Variants in MAN2C1 observed in about 807,000 individuals in gnomAD.
MAN2C1 encodes the protein alpha-mannosidase 2C1.
MAN2C1 carries 111 observed loss-of-function variants against 126.9 expected under a neutral mutation model. The ratio of observed to expected loss-of-function variants is 0.87; its 90% CI spans 0.75 to 1.02. The LOEUF (loss-of-function observed/expected upper bound fraction) is 1.02, where lower values mean the gene tolerates loss of function less well. Among genes scored for constraint, MAN2C1 ranks in the 50% least tolerant of loss-of-function variants. The pLI, the probability that MAN2C1 is intolerant of heterozygous loss-of-function variation, is 0.00. For missense variants in MAN2C1, 1,363 were observed against 1,364.4 expected (o/e 1.00, Z 0.02); for synonymous variants, 567 against 561.5 (o/e 1.01, Z -0.14).
chr15:75,363,865 G>GT, intron 6 of MAN2C1, 134 bp downstream of exon 6: 1 of 976,520 alleles, frequency 1.0e-6, no homozygotes, highest in Non-Finnish European at 1.5e-6. Context: ...CCCCGGCCCC[G>GT]TTTTACAGAC....
chr15:75,358,880 G>T, intron 18 of MAN2C1, 72 bp from the exon 19 acceptor site: 1 of 1,409,982 alleles, frequency 7.1e-7, no homozygotes, highest in South Asian at 1.2e-5. Context: ...GGTGGGGTAG[G>T]GTGGAGTGAG....
chr15:75,364,035 T>C lies in MAN2C1; in HGVS notation c.754A>G (p.Thr252Ala). The C allele has an allele frequency of 6.2e-7, 1 of 1,614,146 alleles. No individual in the cohort carries two copies. The highest frequency in any genetic ancestry group is 8.5e-7 in the Non-Finnish European group (1 of 1,180,032). ...FGQHGGESQH[T>A]IHATGHCHID... ...TGGCAGTGCCCTGTGGCATGAATGG[T>C]GTGTTGGCTTTCACCCCCATGTTGG... The change falls in exon 6 of 26, where the codon ACC becomes GCC. Residue 252 changes from threonine (T) to alanine (A), a missense_variant. This residue lies in a region of MAN2C1 where 628 missense variants were observed against 609.8 expected (regional missense o/e 1.03). Transcript: ENST00000267978.
Position 75,362,350 on chromosome 15 carries a change from A to C in MAN2C1, c.1001T>G (p.Val334Gly). 1 of 1,613,462 alleles carries C rather than the reference A, an allele frequency of 6.2e-7. No individual in the cohort carries two copies. The highest frequency in any genetic ancestry group is 8.5e-7 in the Non-Finnish European group (1 of 1,179,742). Residue 334 changes from valine to glycine, a missense_variant, in exon 8 of 26, where the codon GTG (valine) becomes GGG (glycine). Val to Gly is a moderately radical substitution (Grantham distance 109, BLOSUM62 -3). Coordinates refer to ENST00000267978, the MANE Select transcript of MAN2C1 (RefSeq NM_006715.4). This position sits in a 1 kb window ranked among gnomAD's most constrained non-coding sequence, Gnocchi z 4.5. ...GQFVPVGGTWVEMDGNLPSGE... is the reference protein window; with the variant it reads ...GQFVPVGGTWGEMDGNLPSGE... ...AGTGCCCAGTGCACTTACCATCTCC[A>C]CCCAGGTGCCCCCCACAGGCACAAA...
Position 75,360,227 on chromosome 15 carries a change from G to T in MAN2C1, c.1585-16C>A. 1 of 1,605,442 alleles carries T rather than the reference G, an allele frequency of 6.2e-7. No homozygotes were observed. Among genetic ancestry groups the T allele is most frequent in the Admixed American group, 1.7e-5 (1 of 60,010 alleles). On this transcript the variant is annotated splice_polypyrimidine_tract_variant and intron_variant, in intron 13 of 25. Transcript: ENST00000267978. ...CCTTCTTGATCTGAGCCCAGGATGG[G>T]AAGATTAGTCTGGAGCCTGCTTAGC...
In MAN2C1 at chr15:75,356,321, C is replaced by CTT. The variant is rs2072296571; in HGVS notation, c.2865_2866insAA (p.Val956LysfsTer20). The CTT allele has an allele frequency of 1.9e-6, 3 of 1,612,208 alleles. No homozygotes were observed. Among genetic ancestry groups the CTT allele is most frequent in the Non-Finnish European group, 2.5e-6 (3 of 1,179,362 alleles). ...CTTGCCTGCTTGACGGTCTCCAATA[C>CTT]GACCGCGGGTGAAGACACGGAAAAC... On this transcript the variant is annotated frameshift_variant, in exon 24 of 26. Transcript: ENST00000267978. LOFTEE classifies it high-confidence loss of function. This position sits in a 1 kb window ranked among gnomAD's most constrained non-coding sequence, Gnocchi z 5.8.
rs770965929 is a variant in MAN2C1 at position 75,359,394 on chromosome 15, AGCATAGCCCAT to A, written c.1969_1979del (p.Met657SerfsTer24). ...GCAGTGAGGTGGGGGGAGGAACAGG[AGCATAGCCCAT>A]GCTGGGCACTGTCACCAGGGCTGGG... On this transcript the variant is annotated frameshift_variant, in exon 17 of 26. Coordinates refer to ENST00000267978, the MANE Select transcript of MAN2C1 (RefSeq NM_006715.4). LOFTEE classifies it high-confidence loss of function. The A allele has an allele frequency of 1.2e-6, 2 of 1,610,214 alleles. No homozygotes were observed. Among genetic ancestry groups the A allele is most frequent in the South Asian group, 2.2e-5 (2 of 90,664 alleles).
At chr15:75,360,712 C>T (rs767490898) in intron 12 of MAN2C1, 24 bp from the exon 13 acceptor site, 12 of 1,611,040 alleles carry the variant, frequency 7.4e-6, no homozygotes, top group Admixed American at 5.0e-5. Flanking sequence ...AAGCCTAGGT[C>T]TCCCAGCCTT....
At chr15:75,366,734 C>T in intron 3 of MAN2C1, 142 bp from the exon 4 acceptor site, 3 of 577,328 alleles carry the variant, frequency 5.2e-6, no homozygotes, top group Non-Finnish European at 6.0e-6. Context: ...ATTGGCAAAT[C>T]AGGGACCCTT....
At position 75,361,386 on chromosome 15, in the gene MAN2C1, CAGCAGGGAAACAGAAGCAGGGCAGAG is replaced by C. The variant is rs1176635131; in HGVS notation, c.1219-31_1219-6del. On this transcript the variant is annotated splice_polypyrimidine_tract_variant and splice_region_variant and intron_variant, in intron 10 of 25. Transcript: ENST00000267978. The surrounding 1 kb of genome is among the most constrained non-coding windows in gnomAD (Gnocchi z 5.0). ...CTCCCAGAAAAATGTATGGTGCTAC[CAGCAGGGAAACAGAAGCAGGGCAGAG>C]AGGCCAGAGTCAGGGCTGAGGCAGA... 1.9e-6 allele frequency: 3 copies of C among 1,559,966 alleles called. No homozygotes were observed. Among genetic ancestry groups the C allele is most frequent in the Non-Finnish European group, 1.7e-6 (2 of 1,149,766 alleles).
chr15:75,368,434 T>C, intron 1 of MAN2C1, 49 bp downstream of exon 1: 2 of 1,519,640 alleles, frequency 1.3e-6, no homozygotes, highest in East Asian at 2.5e-5. Flanking sequence ...AAGGAAAGCT[T>C]GAGGCGCACG....
intron 5 of MAN2C1, 133 bp downstream of exon 5, chr15:75,364,355 C>T (rs762307055): frequency 2.2e-5 from 28 of 1,272,318 alleles, no homozygotes; most frequent in Non-Finnish European, 3.0e-5. Context: ...TAGGAAAATT[C>T]TCTCAACCCT....
In MAN2C1 at chr15:75,355,906, T is replaced by G. The variant is rs1177564520; in HGVS notation, c.3123A>C (p.Ter1041CysextTer16). 1.2e-6 allele frequency: 2 copies of G among 1,614,024 alleles called. No individual in the cohort carries two copies. Among genetic ancestry groups the G allele is most frequent in the African/African-American group, 1.3e-5 (1 of 74,924 alleles). ...CAAACAAAACCCCAGCCCCAGGGAC[T>G]CAGTGTGGCGGAGGCTGAAGCACGA... ...LLLVLQPPPH[*>C] Residue 1041 changes from the stop codon to cysteine (C), a stop_lost, in exon 26 of 26, where the codon TGA (stop) becomes TGC (cysteine). Transcript: ENST00000267978.
Position 75,364,136 on chromosome 15 carries a change from T to G in MAN2C1, c.653A>C (p.Gln218Pro). The change falls in exon 6 of 26, where the codon CAG becomes CCG. Residue 218 changes from glutamine (Q) to proline (P), a missense_variant. Transcript: ENST00000267978. Reference sequence around the variant, plus strand: ...GGCAGGGTCACACACGTTCACCATCTGATTGGCTGTGTACAGGGCCTGGAA... The same window carrying G: ...GGCAGGGTCACACACGTTCACCATCGGATTGGCTGTGTACAGGGCCTGGAA... ...RSFQALYTAN[Q>P]MVNVCDPAQP... The G allele has an allele frequency of 6.2e-7, 1 of 1,614,188 alleles. No homozygotes were observed. Among genetic ancestry groups the G allele is most frequent in the Non-Finnish European group, 8.5e-7 (1 of 1,180,016 alleles).
Position 75,361,436 on chromosome 15 carries a change from G to T in MAN2C1, c.1219-55C>A. On this transcript the variant is annotated intron_variant, in intron 10 of 25. Transcript: ENST00000267978. This position sits in a 1 kb window ranked among gnomAD's most constrained non-coding sequence, Gnocchi z 5.0. ...AGAGGCCAGAGTCAGGGCTGAGGCA[G>T]AGCCAGGCCTTCCAGACTTGGTCCT... The T allele has an allele frequency of 7.0e-7, 1 of 1,430,762 alleles. No individual in the cohort carries two copies. The highest frequency in any genetic ancestry group is 9.8e-7 in the Non-Finnish European group (1 of 1,024,640). The allele number at this position is 1,430,762 out of a possible 1,614,324, so 88.6% of individuals were successfully genotyped here. A position where few individuals can be genotyped will look rare whatever the true frequency, so the allele number is the denominator to read the frequency against.
chr15:75,356,669 CTTTAGGCGCCCGCAAGCTGGGG>C lies in MAN2C1; in HGVS notation c.2658-6_2673del. 6.3e-7 allele frequency: 1 copy of C among 1,588,374 alleles called. No individual in the cohort carries two copies. The highest frequency in any genetic ancestry group is 8.6e-7 in the Non-Finnish European group (1 of 1,167,870). ...CCCGTGTCAGCAGTAGCGTCCGGGG[CTTTAGGCGCCCGCAAGCTGGGG>C]TGAGGAGGGCGCGTAGGGGCCACGC... On this transcript the variant is annotated splice_acceptor_variant and splice_polypyrimidine_tract_variant and coding_sequence_variant and intron_variant, in exon 23 of 26. Transcript: ENST00000267978. LOFTEE classifies it high-confidence loss of function. This position sits in a 1 kb window ranked among gnomAD's most constrained non-coding sequence, Gnocchi z 5.8.
In MAN2C1 at chr15:75,368,084, G is replaced by A. The variant is rs769829748; in HGVS notation, c.216C>T (p.Ser72=). The stretch of plus-strand genomic sequence containing the variant: ...TGGGCGTTACCTACGTGGGTCCGAA[G>A]CTGTCGCCGACCTGCGCGGGGCGGA... The part of the protein sequence containing the change: ...RDFRPAQVGD[S]FGPTWWTCWF... The change falls in exon 2 of 26, where the codon AGC becomes AGT. Residue 72 remains serine, a synonymous_variant. Transcript: ENST00000267978. 99 of 1,607,170 alleles carry A rather than the reference G, an allele frequency of 6.2e-5. 1 individual carries two copies. The Middle Eastern group carries it at 2.5e-3, about 41-fold the overall frequency.
chr15:75,359,799 A>C (rs139192242), intron 15 of MAN2C1, 24 bp from the exon 16 acceptor site: 1 of 1,613,628 alleles, frequency 6.2e-7, no homozygotes, highest in African/African-American at 1.3e-5. Context: ...GGCTGGTCAT[A>C]GGTGGGCAAC....
At chr15:75,357,617 A>ATTTTT (rs969353659) in intron 21 of MAN2C1, 1 of 103,508 alleles carries the variant, frequency 9.7e-6, no homozygotes, top group Non-Finnish European at 2.0e-5. Context: ...CAATTTTTGT[A>ATTTTT]TTTTTTTTTT....
At position 75,361,592 on chromosome 15, in the gene MAN2C1, G is replaced by T. The variant is rs2072471199; in HGVS notation, c.1218+12C>A. 1 of 1,604,636 alleles carries T rather than the reference G, an allele frequency of 6.2e-7. No individual in the cohort carries two copies. Among genetic ancestry groups the T allele is most frequent in the African/African-American group, 1.3e-5 (1 of 74,698 alleles). On this transcript the variant is annotated intron_variant, in intron 10 of 25. Transcript: ENST00000267978. This position sits in a 1 kb window ranked among gnomAD's most constrained non-coding sequence, Gnocchi z 5.0. ...GCCCACTCTGACCCTGACCCCCCGG[G>T]GGCCTGCTTACTGGGAAGGAGTTCA...
Sources: allele counts gnomAD v4.1 joint callset, GRCh38; gene constraint gnomAD v4.1.1; regional missense constraint gnomAD v4.1.1; non-coding constraint Gnocchi (gnomAD v3.1); transcripts MANE v1.5; gene names NCBI Gene and HGNC (gene_info 2026-07-23, HGNC 2026-07-21).